Variants in LRMDA observed in about 807,000 individuals in gnomAD.
LRMDA encodes the protein leucine rich melanocyte differentiation associated.
A neutral mutation model predicts 29.8 loss-of-function variants in LRMDA; 18 were observed. The ratio of observed to expected loss-of-function variants is 0.60; its 90% CI spans 0.42 to 0.90. The LOEUF is 0.90. Ranked by LOEUF, LRMDA falls within the 40% of genes least tolerant of loss-of-function variation. The pLI, the probability that LRMDA is intolerant of heterozygous loss-of-function variation, is 0.00. For synonymous variants in LRMDA, 125 were observed against 109.4 expected, an observed-to-expected ratio of 1.14 and a Z score of -0.89; for missense variants, 273 against 273.9, an observed-to-expected ratio of 1.00 and a Z score of 0.02.
intron 6 of LRMDA, among the ~76,000 whole-genome samples, chr10:76,327,555 G>A (rs566693497): frequency 1.3e-5 from 2 of 152,350 alleles, no homozygotes; most frequent in African/African-American, 4.8e-5. Context: ...GTTGGGAAGA[G>A]TGGTTGTGAT....
intron 2 of LRMDA, among the ~76,000 whole-genome samples, chr10:75,940,904 G>A (rs992589018): frequency 2.6e-5 from 4 of 152,136 alleles, no homozygotes; most frequent in Non-Finnish European, 2.9e-5. Context: ...TTCACTGAGT[G>A]GGTTTGTTAT....
intron 5 of LRMDA, among the ~76,000 whole-genome samples, chr10:76,100,145 TGA>T: frequency 1.3e-5 from 2 of 152,362 alleles, no homozygotes; most frequent in African/African-American, 4.8e-5. Context: ...TATGTGTTCC[TGA>T]TAAATGACCT....
At chr10:75,941,088 G>A (rs1261469424) in intron 2 of LRMDA, among the ~76,000 whole-genome samples, 1 of 152,172 alleles carries the variant, frequency 6.6e-6, no homozygotes, top group African/African-American at 2.4e-5. Context: ...TAGTTTGACT[G>A]TGTTTAAAAA....
intron 2 of LRMDA, among the ~76,000 whole-genome samples, chr10:75,567,763 T>C (rs1840390873): frequency 6.6e-6 from 1 of 152,162 alleles, no homozygotes; most frequent in Non-Finnish European, 1.5e-5. Context: ...AATCAGGTAA[T>C]AGAATCATGA....
At chr10:75,634,216 G>T (rs984356315) in intron 2 of LRMDA, among the ~76,000 whole-genome samples, 1 of 152,172 alleles carries the variant, frequency 6.6e-6, no homozygotes, top group Non-Finnish European at 1.5e-5. Flanking sequence ...AAGTCAGGGT[G>T]GAGATAAGGG....
At chr10:76,045,638 G>A (rs1848426822) in intron 3 of LRMDA, among the ~76,000 whole-genome samples, 2 of 152,098 alleles carry the variant, frequency 1.3e-5, no homozygotes, top group African/African-American at 4.8e-5. Context: ...GAGAATAAAA[G>A]ATTTAAGGAA....
intron 6 of LRMDA, among the ~76,000 whole-genome samples, chr10:76,531,417 C>G (rs894931330): frequency 1.3e-5 from 2 of 152,102 alleles, no homozygotes; most frequent in African/African-American, 2.4e-5. Flanking sequence ...ATGATGTTAG[C>G]TATAGTTTTT....
intron 2 of LRMDA, among the ~76,000 whole-genome samples, chr10:75,463,252 C>T (rs1410458307): frequency 6.6e-6 from 1 of 152,142 alleles, no homozygotes; most frequent in African/African-American, 2.4e-5. Context: ...CGTGCACACA[C>T]ATCCCCGGGG....
At chr10:76,150,818 C>T (rs1390519923) in intron 5 of LRMDA, among the ~76,000 whole-genome samples, 1 of 152,180 alleles carries the variant, frequency 6.6e-6, no homozygotes, top group Non-Finnish European at 1.5e-5. Context: ...CAAGGCAGAG[C>T]TAATTATTAA....
intron 2 of LRMDA, among the ~76,000 whole-genome samples, chr10:76,022,814 C>G (rs1475322447): frequency 6.6e-6 from 1 of 152,162 alleles, no homozygotes; most frequent in Non-Finnish European, 1.5e-5. Flanking sequence ...AGGATCCAGT[C>G]TGTGATTGTT....
intron 2 of LRMDA, among the ~76,000 whole-genome samples, chr10:75,671,869 C>G (rs917945619): frequency 2.0e-5 from 3 of 152,150 alleles, no homozygotes; most frequent in Non-Finnish European, 4.4e-5. Context: ...GACACCGTTT[C>G]ACATGTATTG....
intron 5 of LRMDA, among the ~76,000 whole-genome samples, chr10:76,204,929 T>C (rs1329088879): frequency 6.6e-6 from 1 of 152,178 alleles, no homozygotes; most frequent in Non-Finnish European, 1.5e-5. Flanking sequence ...CTTCTGGAGT[T>C]TACTGGCAGA....
At chr10:75,805,509 G>T (rs1416048509) in intron 2 of LRMDA, among the ~76,000 whole-genome samples, 1 of 152,174 alleles carries the variant, frequency 6.6e-6, no homozygotes, top group Non-Finnish European at 1.5e-5. Context: ...CAATGAATTT[G>T]GCCTGGTGGC....
At chr10:76,374,292 G>A (rs979354523) in intron 6 of LRMDA, among the ~76,000 whole-genome samples, 3 of 152,080 alleles carry the variant, frequency 2.0e-5, no homozygotes. Context: ...TATGAATATT[G>A]TGACCATATT....
At chr10:76,544,710 GCACACACACACACA>G (rs71028204) in intron 6 of LRMDA, among the ~76,000 whole-genome samples, 2,050 of 145,240 alleles carry the variant, frequency 0.014, 17 homozygotes, top group Middle Eastern at 0.042. Context: ...ATATATACAT[GCACACACACACACA>G]CACACACACA....
chr10:76,342,509 AAGGG>A (rs1427276177), intron 6 of LRMDA, among the ~76,000 whole-genome samples: 1 of 152,038 alleles, frequency 6.6e-6, no homozygotes, highest in Non-Finnish European at 1.5e-5. Flanking sequence ...AGGAAAGTGG[AAGGG>A]AGGAAGTTTT....
intron 6 of LRMDA, among the ~76,000 whole-genome samples, chr10:76,348,302 C>T (rs7898561): frequency 0.14 from 21,951 of 152,040 alleles, 2,742 homozygotes; most frequent in African/African-American, 0.34. Flanking sequence ...CTATCCATCA[C>T]GGGCAATGTG....
At chr10:76,036,701 A>G (rs541059421) in intron 3 of LRMDA, among the ~76,000 whole-genome samples, 12 of 152,278 alleles carry the variant, frequency 7.9e-5, no homozygotes, top group African/African-American at 2.4e-4. Context: ...TGAGAGGCCT[A>G]GGGGACCCAC....
At chr10:76,130,491 A>G (rs1214920463) in intron 5 of LRMDA, among the ~76,000 whole-genome samples, 1 of 152,112 alleles carries the variant, frequency 6.6e-6, no homozygotes, top group Non-Finnish European at 1.5e-5. Context: ...CGTAGACTTT[A>G]AAAAAAAGAA....
Sources: gnomAD v4.1 joint callset for allele counts (sites outside exome capture counted in the v4.1 genomes callset) on GRCh38, gnomAD v4.1.1 for gene constraint, MANE v1.5 for transcripts, NCBI Gene and HGNC (gene_info 2026-07-23, HGNC 2026-07-21) for gene names.